The following CACNA1D variants were observed in gnomAD, a reference collection of about 807,000 sequenced individuals.
CACNA1D encodes voltage-dependent L-type calcium channel subunit alpha-1D.
CACNA1D carries 55 observed loss-of-function variants against 257.1 expected under a neutral mutation model. That is an observed-to-expected ratio of 0.21 (90% CI 0.17 to 0.27). The LOEUF is 0.27. CACNA1D is among the 10% of genes least tolerant of loss of function. The pLI is 1.00. For synonymous variants in CACNA1D, 980 were observed against 1,014.9 expected, an observed-to-expected ratio of 0.97 and a Z score of 0.65; for missense variants, 1,876 against 2,784.0, an observed-to-expected ratio of 0.67 and a Z score of 7.34.
intron 5 of CACNA1D, among the ~76,000 whole-genome samples, chr3:53,664,951 C>G (rs888764002): frequency 6.6e-6 from 1 of 152,118 alleles, no homozygotes; most frequent in East Asian, 1.9e-4. Context: ...TTACAGCAGA[C>G]TTGCAAGACT....
chr3:53,744,675 G>T, intron 22 of CACNA1D, 65 bp from the exon 23 acceptor site: 1 of 877,572 alleles, frequency 1.1e-6, no homozygotes, highest in South Asian at 1.3e-5. Flanking sequence ...GTGAAAGGGT[G>T]AATCTCAAAG....
chr3:53,650,560 T>G (rs1003637018), intron 3 of CACNA1D, among the ~76,000 whole-genome samples: 3 of 152,238 alleles, frequency 2.0e-5, no homozygotes, highest in Non-Finnish European at 2.9e-5. Context: ...GAACGAAAAG[T>G]GTTGCACACG....
intron 3 of CACNA1D, among the ~76,000 whole-genome samples, chr3:53,613,363 TC>T (rs2093603038): frequency 6.6e-6 from 1 of 152,186 alleles, no homozygotes; most frequent in African/African-American, 2.4e-5. Flanking sequence ...TTCCTGTACT[TC>T]CTGCTTCTCA....
intron 3 of CACNA1D, among the ~76,000 whole-genome samples, chr3:53,576,234 G>A (rs1380862933): frequency 6.6e-6 from 1 of 152,176 alleles, no homozygotes; most frequent in Non-Finnish European, 1.5e-5. Context: ...AGATGCCTCT[G>A]ACATTTGTTA....
chr3:53,616,942 A>G (rs6786688), intron 3 of CACNA1D, among the ~76,000 whole-genome samples: 1 of 152,108 alleles, frequency 6.6e-6, no homozygotes, highest in African/African-American at 2.4e-5. Context: ...TTGGTGTCAC[A>G]GTAGGAGTTT....
chr3:53,699,941 A>G (rs1259824950), intron 8 of CACNA1D, among the ~76,000 whole-genome samples: 1 of 152,024 alleles, frequency 6.6e-6, no homozygotes, highest in Non-Finnish European at 1.5e-5. Flanking sequence ...TGGGATTTTT[A>G]TATTTGTAAT....
intron 8 of CACNA1D, chr3:53,679,469 A>G (rs574491594): frequency 3.9e-5 from 6 of 152,120 alleles, no homozygotes; most frequent in Admixed American, 3.3e-4. Context: ...GGTAGCCAGG[A>G]TATCGGCATG....
At chr3:53,806,454 T>C (rs1316002896) in intron 45 of CACNA1D, among the ~76,000 whole-genome samples, 1 of 152,152 alleles carries the variant, frequency 6.6e-6, no homozygotes, top group African/African-American at 2.4e-5. Flanking sequence ...ATCTGGGTCA[T>C]CCTGAGCAAG....
At chr3:53,521,159 C>G (rs2091560091) in intron 3 of CACNA1D, among the ~76,000 whole-genome samples, 1 of 152,092 alleles carries the variant, frequency 6.6e-6, no homozygotes, top group Non-Finnish European at 1.5e-5. Flanking sequence ...CCTGCCTCAG[C>G]TTCCTGAGTA....
intron 3 of CACNA1D, among the ~76,000 whole-genome samples, chr3:53,598,392 A>G (rs1280984778): frequency 6.6e-5 from 10 of 151,544 alleles, no homozygotes; most frequent in African/African-American, 2.2e-4. Flanking sequence ...CCTAACCAAC[A>G]TGGCACAACA....
intron 3 of CACNA1D, among the ~76,000 whole-genome samples, chr3:53,618,784 G>A (rs1003023416): frequency 2.0e-5 from 3 of 152,268 alleles, no homozygotes; most frequent in African/African-American, 7.2e-5. Flanking sequence ...TCATCTGTAA[G>A]GCAGGGCACT....
rs1289791148 is a variant in CACNA1D at position 53,642,157 on chromosome 3, G to A, written c.484-8622G>A. ...GCATACAGTGGCCTCAGGGCCAGGT[G>A]CCTGCTTCTGAGTTTCGCTGGCTGG... On this transcript the variant is annotated intron_variant, in intron 3 of 47. Coordinates refer to ENST00000350061, the MANE Select transcript of CACNA1D (RefSeq NM_001128840.3). 2.0e-5 allele frequency among the ~76,000 whole-genome samples: 3 copies of A among 152,188 alleles called. No individual in the cohort carries two copies. The East Asian group carries it at 5.8e-4, about 29-fold the overall frequency.
intron 4 of CACNA1D, among the ~76,000 whole-genome samples, chr3:53,653,909 A>G (rs2094123430): frequency 6.6e-6 from 1 of 152,184 alleles, no homozygotes; most frequent in African/African-American, 2.4e-5. Context: ...TCAAATTGTT[A>G]AAAACCAAAG....
At chr3:53,665,000 TAACCTC>T (rs1330085959) in intron 5 of CACNA1D, among the ~76,000 whole-genome samples, 1 of 152,150 alleles carries the variant, frequency 6.6e-6, no homozygotes, top group Non-Finnish European at 1.5e-5. Flanking sequence ...TCCCAGTAGA[TAACCTC>T]AATGAGCACG....
intron 8 of CACNA1D, among the ~76,000 whole-genome samples, chr3:53,699,576 ATTTATCTGGG>A (rs2108572546): frequency 6.6e-6 from 1 of 152,264 alleles, no homozygotes; most frequent in South Asian, 2.1e-4. Flanking sequence ...AGGGCCAAGG[ATTTATCTGGG>A]TTTATCACAG....
chr3:53,757,888 G>A (rs968129547), intron 29 of CACNA1D, among the ~76,000 whole-genome samples: 6 of 152,306 alleles, frequency 3.9e-5, no homozygotes, highest in South Asian at 2.1e-4. Context: ...TCATGCATCC[G>A]TTGGGGGCCT....
chr3:53,650,993 A>G, intron 4 of CACNA1D, 75 bp downstream of exon 4: 1 of 1,320,652 alleles, frequency 7.6e-7, no homozygotes. Flanking sequence ...GGTGGTAACA[A>G]AACAGTCTTT....
chr3:53,505,880 C>A (rs1256513526), intron 3 of CACNA1D, among the ~76,000 whole-genome samples: 1 of 152,168 alleles, frequency 6.6e-6, no homozygotes. Flanking sequence ...AGATGCCTTA[C>A]AGTGGCCAGG....
Position 53,776,982 on chromosome 3 carries a change from C to A in CACNA1D, c.4587+26C>A, listed in dbSNP as rs373184179. On this transcript the variant is annotated intron_variant, in intron 37 of 47. Transcript: ENST00000350061. The stretch of plus-strand genomic sequence containing the variant: ...GTGAGTGTCCTGTGTGCGTGTCTGA[C>A]AGCCTGTCTTGTAGAAGCTTGCTTC... The A allele has an allele frequency of 7.1e-6, 11 of 1,539,380 alleles. No homozygotes were observed. In the South Asian group the frequency reaches 1.0e-4, roughly 14 times the overall value.
Sources: allele counts gnomAD v4.1 joint callset (sites outside exome capture counted in the v4.1 genomes callset), GRCh38; gene constraint gnomAD v4.1.1; transcripts MANE v1.5; gene names NCBI Gene and HGNC (gene_info 2026-07-23, HGNC 2026-07-21).